The following ACTR3C variants were observed in gnomAD, a reference collection of about 807,000 sequenced individuals.
The protein encoded by ACTR3C is actin-related protein 3C.
Under a neutral mutation model 26.3 loss-of-function variants are expected in ACTR3C, and 18 were observed. The observed-to-expected ratio is 0.68, with a 90% CI of 0.47 to 1.01. ACTR3C has a LOEUF of 1.01. Among genes scored for constraint, ACTR3C ranks in the 50% least tolerant of loss-of-function variants. The pLI, the probability that ACTR3C is intolerant of heterozygous loss-of-function variation, is 0.00. For synonymous variants in ACTR3C, 55 were observed against 94.5 expected (o/e 0.58, Z 2.42); for missense variants, 184 against 250.7 (o/e 0.73, Z 1.80).
chr7:150,199,734 A>AAAAC, the ACTR3C span, among the ~76,000 whole-genome samples: 2,913 of 134,782 alleles, frequency 0.022, 70 homozygotes, highest in East Asian at 0.065. Flanking sequence ...TCAAAAAAAA[A>AAAAC]AAAAAAAAAA....
At chr7:150,161,202 TTA>T in the ACTR3C span, among the ~76,000 whole-genome samples, 35,774 of 103,110 alleles carry the variant, frequency 0.35, 7,882 homozygotes, top group East Asian at 0.7. Flanking sequence ...AGGAAAGTAT[TTA>T]TATATATATA....
the ACTR3C span, among the ~76,000 whole-genome samples, chr7:150,117,202 C>A: frequency 6.6e-6 from 1 of 152,160 alleles, no homozygotes; most frequent in Admixed American, 6.5e-5. Flanking sequence ...TTATCATACC[C>A]CAGTGCTTCC....
the ACTR3C span, among the ~76,000 whole-genome samples, chr7:150,006,419 G>A: frequency 0.1 from 14,828 of 146,366 alleles, 914 homozygotes; most frequent in South Asian, 0.17. Context: ...GGATGGTCTC[G>A]ATCTCCTGAC....
the ACTR3C span, among the ~76,000 whole-genome samples, chr7:150,033,667 G>GCAC: frequency 6.6e-6 from 1 of 151,360 alleles, no homozygotes; most frequent in Non-Finnish European, 1.5e-5. Flanking sequence ...CTCAGTCCCT[G>GCAC]CCTCGCGGGG....
chr7:150,057,276 C>CT, the ACTR3C span, among the ~76,000 whole-genome samples: 1,709 of 113,774 alleles, frequency 0.015, 9 homozygotes, highest in East Asian at 0.073. Context: ...GGAATAGGTC[C>CT]TTTTTTTTTT....
chr7:150,310,261 C>T (rs1366088974), intron 1 of ACTR3C, among the ~76,000 whole-genome samples: 1 of 152,132 alleles, frequency 6.6e-6, no homozygotes, highest in Non-Finnish European at 1.5e-5. Flanking sequence ...GATACCTCTA[C>T]TTGTTCTCTG....
At chr7:150,275,514 C>G (rs574872118) in intron 6 of ACTR3C, among the ~76,000 whole-genome samples, 1 of 152,310 alleles carries the variant, frequency 6.6e-6, no homozygotes, top group Non-Finnish European at 1.5e-5. Context: ...AGTTCGAGAC[C>G]AGCCTGGCCA....
the ACTR3C span, among the ~76,000 whole-genome samples, chr7:150,047,064 G>A: frequency 6.6e-6 from 1 of 151,450 alleles, no homozygotes; most frequent in South Asian, 2.1e-4. Context: ...CACCACCACC[G>A]CTGGGGGGAA....
chr7:150,197,106 A>C, the ACTR3C span, among the ~76,000 whole-genome samples: 1 of 152,188 alleles, frequency 6.6e-6, no homozygotes, highest in Non-Finnish European at 1.5e-5. Flanking sequence ...GGGGCAGTAG[A>C]GTCCAGGCTG....
At chr7:150,109,568 G>A in the ACTR3C span, among the ~76,000 whole-genome samples, 3 of 147,332 alleles carry the variant, frequency 2.0e-5, no homozygotes, top group South Asian at 4.4e-4. Context: ...CCACAGTCTC[G>A]TGGCCTTTAC....
chr7:150,051,129 A>C, the ACTR3C span, among the ~76,000 whole-genome samples: 1 of 144,178 alleles, frequency 6.9e-6, no homozygotes. Flanking sequence ...TAAATGTTCT[A>C]TACCTCGTGT....
chr7:150,229,115 G>A, the ACTR3C span, among the ~76,000 whole-genome samples: 2 of 151,902 alleles, frequency 1.3e-5, no homozygotes, highest in Admixed American at 6.5e-5. Flanking sequence ...ATAGACAGTC[G>A]TGTTATCTGC....
chr7:150,100,086 T>C, the ACTR3C span, among the ~76,000 whole-genome samples: 1 of 151,662 alleles, frequency 6.6e-6, no homozygotes, highest in African/African-American at 2.4e-5. Context: ...GCTCTTCTGA[T>C]ATAGAGACTG....
At chr7:150,037,936 C>A in the ACTR3C span, among the ~76,000 whole-genome samples, 11 of 137,750 alleles carry the variant, frequency 8.0e-5, 2 homozygotes, top group Admixed American at 2.8e-4. Flanking sequence ...TGCCTCCCCC[C>A]CTGCGATGGC....
the ACTR3C span, among the ~76,000 whole-genome samples, chr7:150,063,779 T>G: frequency 1.3e-5 from 2 of 152,182 alleles, no homozygotes; most frequent in Non-Finnish European, 2.9e-5. Context: ...ACCCACCGTG[T>G]GCCTGCTGGG....
intron 6 of ACTR3C, among the ~76,000 whole-genome samples, chr7:150,283,461 AT>A (rs1835509170): frequency 6.7e-6 from 1 of 150,292 alleles, no homozygotes; most frequent in South Asian, 2.1e-4. Context: ...TTATAAAAAA[AT>A]CTTAACAGTA....
chr7:149,923,826 C>T, the ACTR3C span, among the ~76,000 whole-genome samples: 39 of 151,746 alleles, frequency 2.6e-4, no homozygotes, highest in African/African-American at 8.9e-4. Context: ...GGAGAAACCC[C>T]GTCTCTACTA....
chr7:149,969,875 C>T, the ACTR3C span, among the ~76,000 whole-genome samples: 1 of 152,132 alleles, frequency 6.6e-6, no homozygotes, highest in Non-Finnish European at 1.5e-5. Flanking sequence ...GGGGATACAG[C>T]TGACTGAATG....
At chr7:150,174,391 A>G in the ACTR3C span, among the ~76,000 whole-genome samples, 2 of 138,770 alleles carry the variant, frequency 1.4e-5, no homozygotes, top group African/African-American at 3.3e-5. Flanking sequence ...TAAGAATAGC[A>G]TGGGAAAGAC....
Sources: allele counts gnomAD v4.1 joint callset (sites outside exome capture counted in the v4.1 genomes callset), GRCh38; gene constraint gnomAD v4.1.1; transcripts MANE v1.5; gene names NCBI Gene and HGNC (gene_info 2026-07-23, HGNC 2026-07-21).